NCKAP5: variants seen among roughly 807,000 people sequenced by gnomAD.
NCKAP5 encodes the protein NCK associated protein 5.
Under a neutral mutation model 167.0 loss-of-function variants are expected in NCKAP5, and 92 were observed. That is an observed-to-expected ratio of 0.55 (90% CI 0.47 to 0.66). The LOEUF is 0.66. Ranked by LOEUF, NCKAP5 falls within the 30% of genes least tolerant of loss-of-function variation. NCKAP5 has a pLI of 0.00. For missense variants in NCKAP5, 2,378 were observed against 2,315.0 expected (o/e 1.03, Z -0.56); for synonymous variants, 891 against 877.4 (o/e 1.02, Z -0.27).
intron 2 of NCKAP5, among the ~76,000 whole-genome samples, chr2:133,520,309 G>C (rs1248581203): frequency 6.6e-6 from 1 of 152,208 alleles, no homozygotes; most frequent in African/African-American, 2.4e-5. Flanking sequence ...ACAGAGGCTT[G>C]TAAGCTAATG....
At chr2:132,952,758 T>C (rs1322646349) in intron 8 of NCKAP5, among the ~76,000 whole-genome samples, 6 of 152,236 alleles carry the variant, frequency 3.9e-5, no homozygotes, top group African/African-American at 1.4e-4. Context: ...CTTCAATTTA[T>C]GGAATGCACG....
chr2:133,430,249 G>A (rs1166109390), intron 3 of NCKAP5, among the ~76,000 whole-genome samples: 1 of 151,992 alleles, frequency 6.6e-6, no homozygotes, highest in Non-Finnish European at 1.5e-5. Flanking sequence ...ACTCATTTAA[G>A]TTTCTTGTAG....
intron 8 of NCKAP5, among the ~76,000 whole-genome samples, chr2:132,934,037 C>G (rs2149070973): frequency 6.6e-6 from 1 of 152,290 alleles, no homozygotes; most frequent in African/African-American, 2.4e-5. Flanking sequence ...CTTTTGAGAT[C>G]TTTGAAACAA....
the NCKAP5 span, among the ~76,000 whole-genome samples, chr2:133,626,082 G>A: frequency 2.6e-5 from 4 of 152,136 alleles, no homozygotes; most frequent in African/African-American, 4.8e-5. Flanking sequence ...GGTAGCCAGT[G>A]AATGAGAGAA....
At chr2:132,926,112 C>T in intron 8 of NCKAP5, 1 of 318,824 alleles carries the variant, frequency 3.1e-6, no homozygotes, top group Non-Finnish European at 6.6e-6. Flanking sequence ...TATTTAGTTC[C>T]CACTTACAAG....
rs769417910 is a variant in NCKAP5 at position 132,728,777 on chromosome 2, A to G, written c.5580+39T>C. ...GGTACACTTTTTAGAATCAGGACCAACAGGTGGATTGCACCCTTCACCTCC... is the reference window on the plus strand; with the variant it reads ...GGTACACTTTTTAGAATCAGGACCAGCAGGTGGATTGCACCCTTCACCTCC... On this transcript the variant is annotated intron_variant, in intron 18 of 19. Coordinates refer to ENST00000409261, the MANE Select transcript of NCKAP5 (RefSeq NM_207363.3). 1.9e-5 allele frequency: 31 copies of G among 1,604,994 alleles called. No individual in the cohort carries two copies. In the East Asian group the frequency reaches 6.5e-4, roughly 34 times the overall value.
chr2:132,957,677 C>T (rs1276942243), intron 8 of NCKAP5, among the ~76,000 whole-genome samples: 1 of 151,850 alleles, frequency 6.6e-6, no homozygotes, highest in Non-Finnish European at 1.5e-5. Flanking sequence ...GAAAGCTAGA[C>T]ATAAAACCTA....
At chr2:133,040,348 C>T (rs552881432) in intron 6 of NCKAP5, among the ~76,000 whole-genome samples, 2 of 152,176 alleles carry the variant, frequency 1.3e-5, no homozygotes, top group South Asian at 2.1e-4. Context: ...TTGCAGTGAC[C>T]TAATACTTCT....
intron 3 of NCKAP5, among the ~76,000 whole-genome samples, chr2:133,358,606 A>G (rs1242142010): frequency 1.3e-5 from 2 of 152,220 alleles, no homozygotes; most frequent in Admixed American, 6.5e-5. Context: ...CGCACTGAGT[A>G]TATAACATTA....
At chr2:133,667,975 C>T in the NCKAP5 span, among the ~76,000 whole-genome samples, 1 of 152,088 alleles carries the variant, frequency 6.6e-6, no homozygotes, top group African/African-American at 2.4e-5. Flanking sequence ...AAACAATTGT[C>T]TACTTTATTT....
rs568804867 is a variant in NCKAP5, at chr2:133,526,313, G to C, written c.-61-8726C>G. 7.4e-5 allele frequency among the ~76,000 whole-genome samples: 4 copies of C among 54,204 alleles called. No homozygotes were observed. The East Asian group carries it at 2.4e-3, about 32-fold the overall frequency. 35.6% of individuals were successfully genotyped at this position (54,204 alleles called of 152,430 possible). A position where few individuals can be genotyped will look rare whatever the true frequency, so the allele number is the denominator to read the frequency against. On this transcript the variant is annotated intron_variant, in intron 2 of 19. Transcript: ENST00000409261. ...GGAGGGAAGGAGGGAGGGAGGGAAG[G>C]AGGGAGGGAGGGAAGGAGGGAGGGA...
chr2:133,302,017 A>G (rs1266058909), intron 4 of NCKAP5, among the ~76,000 whole-genome samples: 29 of 16,410 alleles, frequency 1.8e-3, no homozygotes, highest in African/African-American at 7.1e-3. Flanking sequence ...GCAGCCAAAA[A>G]ACACATGAAG....
At chr2:132,993,448 G>C (rs984804127) in intron 7 of NCKAP5, among the ~76,000 whole-genome samples, 1 of 152,152 alleles carries the variant, frequency 6.6e-6, no homozygotes, top group African/African-American at 2.4e-5. Flanking sequence ...TGGGATAAGG[G>C]CTATCAGAAG....
intron 3 of NCKAP5, among the ~76,000 whole-genome samples, chr2:133,455,913 A>G (rs1410173291): frequency 6.6e-6 from 1 of 152,108 alleles, no homozygotes; most frequent in Non-Finnish European, 1.5e-5. Context: ...TCTAGGCAAA[A>G]ACGCACTGTA....
chr2:133,286,742 G>A (rs1574607031), intron 4 of NCKAP5, among the ~76,000 whole-genome samples: 1 of 152,064 alleles, frequency 6.6e-6, no homozygotes, highest in East Asian at 1.9e-4. Flanking sequence ...ACTAAATGAA[G>A]ACTGAAAAAC....
At chr2:133,601,540 G>GT in the NCKAP5 span, among the ~76,000 whole-genome samples, 1 of 152,062 alleles carries the variant, frequency 6.6e-6, no homozygotes, top group Non-Finnish European at 1.5e-5. Flanking sequence ...GACCAGCCTG[G>GT]CCAACATGGT....
the NCKAP5 span, among the ~76,000 whole-genome samples, chr2:133,604,809 T>C: frequency 6.6e-6 from 1 of 152,254 alleles, no homozygotes; most frequent in Non-Finnish European, 1.5e-5. Context: ...GGATACCCTG[T>C]GTCAGGGACC....
intron 2 of NCKAP5, among the ~76,000 whole-genome samples, chr2:133,542,457 G>A (rs182179557): frequency 2.0e-5 from 3 of 152,104 alleles, no homozygotes; most frequent in Admixed American, 6.6e-5. Context: ...TCAGGTAAAC[G>A]GGGAGAGATT....
chr2:133,334,185 T>G (rs1683061542), intron 3 of NCKAP5, among the ~76,000 whole-genome samples: 1 of 152,180 alleles, frequency 6.6e-6, no homozygotes, highest in Non-Finnish European at 1.5e-5. Flanking sequence ...CTAGACCAAG[T>G]CTCTCAGTCA....
Sources: gnomAD v4.1 joint callset for allele counts (sites outside exome capture counted in the v4.1 genomes callset) on GRCh38, gnomAD v4.1.1 for gene constraint, MANE v1.5 for transcripts, NCBI Gene and HGNC (gene_info 2026-07-23, HGNC 2026-07-21) for gene names.